The following MAP7 variants were observed in gnomAD, a reference collection of about 807,000 sequenced individuals.
MAP7 encodes ensconsin.
Under a neutral mutation model 94.8 loss-of-function variants are expected in MAP7, and 52 were observed. The observed-to-expected ratio is 0.55, with a 90% CI of 0.44 to 0.69. The LOEUF is 0.69. Ranked by LOEUF, MAP7 falls within the 30% of genes least tolerant of loss-of-function variation. The pLI is 0.00. For synonymous variants in MAP7, 350 were observed against 357.0 expected, an observed-to-expected ratio of 0.98 and a Z score of 0.22; for missense variants, 940 against 964.6, an observed-to-expected ratio of 0.97 and a Z score of 0.34.
At chr6:136,360,146 A>G in intron 13 of MAP7, 115 bp from the exon 14 acceptor site, 1 of 860,516 alleles carries the variant, frequency 1.2e-6, no homozygotes, top group South Asian at 1.7e-5. Context: ...GAAAAATACA[A>G]TATGCACTTT....
intron 1 of MAP7, among the ~76,000 whole-genome samples, chr6:136,495,688 AG>A (rs1326316135): frequency 6.6e-6 from 1 of 152,122 alleles, no homozygotes; most frequent in African/African-American, 2.4e-5. Context: ...TTTCTTGGAA[AG>A]GTTTTCTCTA....
chr6:136,413,143 C>G (rs547490291), intron 2 of MAP7, among the ~76,000 whole-genome samples: 2 of 152,154 alleles, frequency 1.3e-5, no homozygotes, highest in African/African-American at 4.8e-5. Flanking sequence ...GCCTGGGCAA[C>G]AGAGCAAGAC....
At chr6:136,509,037 T>C (rs1465555734) in intron 1 of MAP7, among the ~76,000 whole-genome samples, 2 of 152,234 alleles carry the variant, frequency 1.3e-5, no homozygotes, top group South Asian at 2.1e-4. Context: ...TAAAAAGATA[T>C]AGACCAGTAA....
Position 136,372,417 on chromosome 6 carries a change from C to A in MAP7, c.876+84G>T, listed in dbSNP as rs1005973379. ...TCACGGTCTCCCCCTCTTACGCCCA[C>A]ACCACAGCTCAGGGTCATGTACAGT... On this transcript the variant is annotated intron_variant, in intron 8 of 17. Coordinates refer to ENST00000354570, the MANE Select transcript of MAP7 (RefSeq NM_003980.6). 4 of 1,518,760 alleles carry A rather than the reference C, an allele frequency of 2.6e-6. No individual in the cohort carries two copies. In the African/African-American group the frequency reaches 5.5e-5, roughly 21 times the overall value. 94.1% of individuals were successfully genotyped at this position (1,518,760 alleles called of 1,614,324 possible). A position where few individuals can be genotyped will look rare whatever the true frequency, so the allele number is the denominator to read the frequency against.
intron 3 of MAP7, among the ~76,000 whole-genome samples, chr6:136,397,275 C>T (rs182495864): frequency 1.3e-5 from 2 of 151,792 alleles, no homozygotes; most frequent in South Asian, 2.1e-4. Context: ...TACTTTAATA[C>T]CCGGCCCTTC....
intron 1 of MAP7, among the ~76,000 whole-genome samples, chr6:136,455,704 G>A (rs1802666175): frequency 6.6e-6 from 1 of 151,994 alleles, no homozygotes; most frequent in Non-Finnish European, 1.5e-5. Flanking sequence ...ACCAATGAAT[G>A]GGTCTTTAAC....
chr6:136,408,279 A>G (rs922316737), intron 3 of MAP7, among the ~76,000 whole-genome samples: 15 of 152,220 alleles, frequency 9.9e-5, no homozygotes, highest in South Asian at 8.3e-4. Flanking sequence ...ACGACAGAAT[A>G]ATCTCATACA....
intron 1 of MAP7, among the ~76,000 whole-genome samples, chr6:136,512,342 C>T (rs980160814): frequency 2.0e-5 from 3 of 152,226 alleles, no homozygotes; most frequent in Non-Finnish European, 4.4e-5. Flanking sequence ...TTCTACAGAA[C>T]AGCTCAACAG....
At chr6:136,535,766 C>A (rs763075297) in intron 1 of MAP7, among the ~76,000 whole-genome samples, 2 of 136,572 alleles carry the variant, frequency 1.5e-5, no homozygotes, top group Non-Finnish European at 3.1e-5. Flanking sequence ...TTAAATTATA[C>A]TTTAAGTTCT....
rs75335727 is a variant in MAP7, at chr6:136,385,108, G to A, written c.527-1327C>T. On this transcript the variant is annotated intron_variant, in intron 5 of 17. Coordinates refer to ENST00000354570, the MANE Select transcript of MAP7 (RefSeq NM_003980.6). ...GAGATGCTTCCAAAACTCAGTACCC[G>A]TTGGTCTAACCTTGGCAGTAAGAAA... Among the ~76,000 whole-genome samples the A allele has an allele frequency of 8.5e-4, 129 of 152,224 alleles. 3 individuals are homozygous for A. In the East Asian group the frequency reaches 0.02, roughly 24 times the overall value.
chr6:136,400,574 C>A (rs563673950), intron 3 of MAP7, among the ~76,000 whole-genome samples: 1 of 152,194 alleles, frequency 6.6e-6, no homozygotes, highest in Non-Finnish European at 1.5e-5. Context: ...TCAAATAACA[C>A]TAAAATAATG....
Position 136,346,350 on chromosome 6 carries a change from G to A in MAP7, c.2016-271C>T, listed in dbSNP as rs551338611. Among the ~76,000 whole-genome samples, 19 of 152,218 alleles carry A rather than the reference G, an allele frequency of 1.2e-4. No homozygotes were observed. The South Asian group carries it at 3.9e-3, about 32-fold the overall frequency. On this transcript the variant is annotated intron_variant, in intron 16 of 17. Coordinates refer to ENST00000354570, the MANE Select transcript of MAP7 (RefSeq NM_003980.6). ...GGCCGAGATGGGAGGACTGCTCAAG[G>A]CCAGGAGTTCAAGACTAGCCTGGTA...
intron 2 of MAP7, 39 bp from the exon 3 acceptor site, chr6:136,411,736 G>T: frequency 7.1e-7 from 1 of 1,416,820 alleles, no homozygotes; most frequent in Non-Finnish European, 9.5e-7. Context: ...ATGAAGAGTG[G>T]ATTAAAAAAA....
intron 1 of MAP7, among the ~76,000 whole-genome samples, chr6:136,432,743 G>A: frequency 6.6e-6 from 1 of 151,680 alleles, no homozygotes; most frequent in Admixed American, 6.6e-5. Flanking sequence ...CTGCACATTT[G>A]CTTATAAAAA....
intron 3 of MAP7, among the ~76,000 whole-genome samples, chr6:136,393,435 G>C (rs1021689571): frequency 6.6e-6 from 1 of 152,172 alleles, no homozygotes; most frequent in Non-Finnish European, 1.5e-5. Flanking sequence ...CTCGTATTTA[G>C]AGGTGCTAAT....
chr6:136,420,032 G>C lies in MAP7; in HGVS notation c.166+1669C>G. ...ATATTAGCCACCACCACTTGATGCT[G>C]ATAAACTTCCAAAGCCTTCTGAGCT... On this transcript the variant is annotated intron_variant, in intron 2 of 17. Transcript: ENST00000354570. 3 of 839,866 alleles carry C rather than the reference G, an allele frequency of 3.6e-6. No homozygotes were observed. The Admixed American group carries it at 5.2e-5, about 15-fold the overall frequency. 52.0% of individuals were successfully genotyped at this position (839,866 alleles called of 1,614,324 possible). A position where few individuals can be genotyped will look rare whatever the true frequency, so the allele number is the denominator to read the frequency against.
chr6:136,505,275 GTGTATATATA>G (rs1460263684), intron 1 of MAP7, among the ~76,000 whole-genome samples: 2 of 69,158 alleles, frequency 2.9e-5, no homozygotes, highest in African/African-American at 1.2e-4. Flanking sequence ...GTGTGTGTGT[GTGTATATATA>G]TATATATATA....
chr6:136,415,949 G>A (rs550180428), intron 2 of MAP7, among the ~76,000 whole-genome samples: 9 of 152,284 alleles, frequency 5.9e-5, no homozygotes, highest in Admixed American at 3.9e-4. Context: ...GAAACCTGGC[G>A]TTAGAAAATA....
intron 1 of MAP7, among the ~76,000 whole-genome samples, chr6:136,538,575 C>T (rs1211384738): frequency 1.3e-5 from 2 of 151,642 alleles, no homozygotes; most frequent in Non-Finnish European, 2.9e-5. Context: ...CACTTGAGTT[C>T]GAAACCAGCC....
Sources: allele counts gnomAD v4.1 joint callset (sites outside exome capture counted in the v4.1 genomes callset), GRCh38; gene constraint gnomAD v4.1.1; transcripts MANE v1.5; gene names NCBI Gene and HGNC (gene_info 2026-07-23, HGNC 2026-07-21).